Variants in ATAD2 observed in about 807,000 individuals in gnomAD.
The protein encoded by ATAD2 is ATPase family AAA domain containing 2.
A neutral mutation model predicts 168.9 loss-of-function variants in ATAD2; 62 were observed. The ratio of observed to expected loss-of-function variants is 0.37; its 90% CI spans 0.30 to 0.45. The LOEUF is 0.45. Among genes scored for constraint, ATAD2 ranks in the 20% least tolerant of loss-of-function variants. The pLI, the probability that ATAD2 is intolerant of heterozygous loss-of-function variation, is 1.00. For synonymous variants in ATAD2, 613 were observed against 571.6 expected (o/e 1.07, Z -1.03); for missense variants, 1,419 against 1,667.8 (o/e 0.85, Z 2.60).
In ATAD2 at chr8:123,412,848, A is replaced by C. The variant is rs185865304; in HGVS notation, c.-2282+3400T>G. Among the ~76,000 whole-genome samples, 27 of 152,294 alleles carry C rather than the reference A, an allele frequency of 1.8e-4. No individual in the cohort carries two copies. The East Asian group carries it at 3.9e-3, about 22-fold the overall frequency. On this transcript the variant is annotated intron_variant, in intron 1 of 28. Coordinates refer to the ATAD2 transcript ENST00000521903. The stretch of plus-strand genomic sequence containing the variant: ...CTCTAGCATGGCTTCTAGCAGTATA[A>C]GGCTATGTCAGCCTTCTCCCCCAAA...
intron 22 of ATAD2, 132 bp downstream of exon 22, chr8:123,336,241 G>A: frequency 2.6e-6 from 2 of 781,130 alleles, no homozygotes; most frequent in Non-Finnish European, 3.8e-6. Context: ...TTTACCATTT[G>A]TAAAATGGTT....
chr8:123,397,779 A>G (rs576041981), upstream of ATAD2, among the ~76,000 whole-genome samples: 2 of 152,310 alleles, frequency 1.3e-5, no homozygotes, highest in African/African-American at 4.8e-5. Context: ...TAAAGTGGCA[A>G]GCATTACAGA....
At chr8:123,329,774 A>AT (rs1563833131) in intron 24 of ATAD2, among the ~76,000 whole-genome samples, 83 of 7,958 alleles carry the variant, frequency 0.01, 7 homozygotes, top group Non-Finnish European at 0.031. Flanking sequence ...AAAAAAAAAA[A>AT]ATTTTTCACT....
chr8:123,411,500 G>C (rs1813158990), intron 1 of ATAD2, among the ~76,000 whole-genome samples: 1 of 152,202 alleles, frequency 6.6e-6, no homozygotes, highest in Admixed American at 6.5e-5. Context: ...GCCTAGCTGG[G>C]AAGGTGACCG....
At chr8:123,360,367 A>C (rs1280890977) in intron 9 of ATAD2, among the ~76,000 whole-genome samples, 1 of 151,992 alleles carries the variant, frequency 6.6e-6, no homozygotes, top group Admixed American at 6.6e-5. Context: ...GTTTTTTCTG[A>C]GTCTCACCCT....
intron 11 of ATAD2, 66 bp from the exon 12 acceptor site, chr8:123,357,802 G>A: frequency 7.1e-7 from 1 of 1,406,482 alleles, no homozygotes; most frequent in Non-Finnish European, 9.5e-7. Flanking sequence ...ACAAAAATTA[G>A]AAACCAATTT....
chr8:123,356,834 G>A (rs1313324342), intron 12 of ATAD2, among the ~76,000 whole-genome samples: 1 of 151,598 alleles, frequency 6.6e-6, no homozygotes, highest in Non-Finnish European at 1.5e-5. Flanking sequence ...TAGTAACGGG[G>A]TTTTAAGAAT....
intron 8 of ATAD2, among the ~76,000 whole-genome samples, chr8:123,362,225 C>T (rs1045529102): frequency 1.7e-4 from 26 of 149,574 alleles, no homozygotes; most frequent in African/African-American, 5.9e-4. Flanking sequence ...CCTGGGAGGA[C>T]GAGGCTGTAG....
chr8:123,359,803 A>C, intron 9 of ATAD2, 118 bp from the exon 10 acceptor site: 2 of 664,856 alleles, frequency 3.0e-6, no homozygotes, highest in Admixed American at 3.3e-5. Context: ...AACCGGAGCA[A>C]TCTTAAGATA....
chr8:123,347,443 G>C, intron 15 of ATAD2, 37 bp from the exon 16 acceptor site: 2 of 1,513,992 alleles, frequency 1.3e-6, no homozygotes, highest in Non-Finnish European at 1.8e-6. Context: ...AGAACCAGCC[G>C]ACCAAACAAA....
At chr8:123,343,678 AAAG>A (rs1200619272) in intron 19 of ATAD2, among the ~76,000 whole-genome samples, 1 of 152,244 alleles carries the variant, frequency 6.6e-6, no homozygotes, top group South Asian at 2.1e-4. Context: ...CTATGGACAC[AAAG>A]GTGACAAAAA....
rs115080901 is a variant in ATAD2 at position 123,362,084 on chromosome 8, C to T, written c.1050-438G>A. ...AGCACAACGTAGCGGGACATTGTCT[C>T]CACTAAAAATCATTCGAGCAACTTG... On this transcript the variant is annotated intron_variant, in intron 8 of 27. Coordinates refer to ENST00000287394, the MANE Select transcript of ATAD2 (RefSeq NM_014109.4). 3.9e-3 allele frequency among the ~76,000 whole-genome samples: 600 copies of T among 152,118 alleles called. 5 individuals carry two copies. Among genetic ancestry groups the T allele is most frequent in the African/African-American group, 0.014 (571 of 41,512 alleles).
intron 25 of ATAD2, among the ~76,000 whole-genome samples, chr8:123,326,889 G>A (rs1827630759): frequency 6.6e-6 from 1 of 152,208 alleles, no homozygotes; most frequent in Middle Eastern, 3.4e-3. Context: ...AATAAGGCCA[G>A]GAGAGGTGAA....
intron 2 of ATAD2, among the ~76,000 whole-genome samples, chr8:123,374,262 A>C (rs940626205): frequency 2.6e-5 from 4 of 152,214 alleles, no homozygotes; most frequent in Non-Finnish European, 1.5e-5. Context: ...CTGAGGCAGG[A>C]GAATCACTTG....
At position 123,346,762 on chromosome 8, in the gene ATAD2, A is replaced by G. The variant is rs761905542; in HGVS notation, c.2213-12T>C. The G allele has an allele frequency of 3.7e-5, 58 of 1,573,416 alleles. No individual in the cohort carries two copies. In the African/African-American group the frequency reaches 6.9e-4, roughly 19 times the overall value. On this transcript the variant is annotated splice_polypyrimidine_tract_variant and intron_variant, in intron 16 of 27. Transcript: ENST00000287394. ...AGGACAAGAAATATCTATAAAACCAAAAAATTGTACATTAGTAACTTTTGG... is the reference window on the plus strand; with the variant it reads ...AGGACAAGAAATATCTATAAAACCAGAAAATTGTACATTAGTAACTTTTGG...
At chr8:123,349,595 A>G in intron 13 of ATAD2, 151 bp from the exon 14 acceptor site, 2 of 718,414 alleles carry the variant, frequency 2.8e-6, no homozygotes, top group Admixed American at 3.3e-5. Context: ...AAAAAAATCT[A>G]TAAAATAACA....
At chr8:123,339,584 G>C in intron 19 of ATAD2, 138 bp from the exon 20 acceptor site, 1 of 789,866 alleles carries the variant, frequency 1.3e-6, no homozygotes, top group South Asian at 2.0e-5. Flanking sequence ...CTTAACAATC[G>C]GGTTATGTCC....
At chr8:123,364,543 G>A (rs1025515629) in intron 8 of ATAD2, among the ~76,000 whole-genome samples, 3 of 151,974 alleles carry the variant, frequency 2.0e-5, no homozygotes, top group South Asian at 4.1e-4. Context: ...CTAGCTAATC[G>A]AATCCAACAA....
At chr8:123,373,430 A>AG (rs1334419382) in intron 2 of ATAD2, among the ~76,000 whole-genome samples, 1 of 152,200 alleles carries the variant, frequency 6.6e-6, no homozygotes, top group Non-Finnish European at 1.5e-5. Context: ...TAATACTACA[A>AG]ACAAGACAAA....
Sources: allele counts gnomAD v4.1 joint callset (sites outside exome capture counted in the v4.1 genomes callset), GRCh38; gene constraint gnomAD v4.1.1; transcripts MANE v1.5; gene names NCBI Gene and HGNC (gene_info 2026-07-23, HGNC 2026-07-21).